Variants in ARHGEF38 observed in about 807,000 individuals in gnomAD.
ARHGEF38 encodes Rho guanine nucleotide exchange factor (GEF) 38.
Under a neutral mutation model 79.9 loss-of-function variants are expected in ARHGEF38, and 79 were observed. That is an observed-to-expected ratio of 0.99 (90% CI 0.82 to 1.19). The LOEUF (loss-of-function observed/expected upper bound fraction) is 1.19, where lower values mean the gene tolerates loss of function less well. ARHGEF38 is among the 50% of genes most tolerant of loss of function. ARHGEF38 has a pLI of 0.00. For missense variants in ARHGEF38, 962 were observed against 907.2 expected (o/e 1.06, Z -0.78); for synonymous variants, 366 against 328.3 (o/e 1.11, Z -1.24).
intron 2 of ARHGEF38, among the ~76,000 whole-genome samples, chr4:105,599,517 T>C (rs762882774): frequency 6.6e-6 from 1 of 152,010 alleles, no homozygotes; most frequent in Non-Finnish European, 1.5e-5. Flanking sequence ...AGAATGGAGA[T>C]GATGCATAAA....
intron 7 of ARHGEF38, among the ~76,000 whole-genome samples, chr4:105,653,673 C>T (rs889259582): frequency 6.6e-5 from 10 of 152,112 alleles, no homozygotes; most frequent in Admixed American, 1.3e-4. Flanking sequence ...ATGAATCATA[C>T]GAACAAAACA....
At chr4:105,602,600 G>A (rs561263886) in intron 2 of ARHGEF38, among the ~76,000 whole-genome samples, 29 of 152,058 alleles carry the variant, frequency 1.9e-4, no homozygotes, top group Non-Finnish European at 2.9e-4. Flanking sequence ...TGACAGAGGG[G>A]AGAGCCTGCA....
intron 5 of ARHGEF38, among the ~76,000 whole-genome samples, chr4:105,641,664 T>C (rs918384417): frequency 3.3e-5 from 5 of 152,096 alleles, no homozygotes; most frequent in African/African-American, 1.2e-4. Context: ...AATTATTCTT[T>C]TTTTTATGTA....
chr4:105,569,266 A>G (rs1415527879), intron 1 of ARHGEF38, among the ~76,000 whole-genome samples: 1 of 152,198 alleles, frequency 6.6e-6, no homozygotes, highest in Non-Finnish European at 1.5e-5. Flanking sequence ...AGATGTTATT[A>G]TATTATGCTA....
intron 1 of ARHGEF38, among the ~76,000 whole-genome samples, chr4:105,553,660 C>A (rs1181724734): frequency 5.9e-5 from 9 of 152,126 alleles, no homozygotes; most frequent in Non-Finnish European, 8.8e-5. Context: ...TGTTTCAGGG[C>A]CTTAATCTAT....
At chr4:105,586,875 C>G (rs942607147) in intron 1 of ARHGEF38, among the ~76,000 whole-genome samples, 1 of 151,972 alleles carries the variant, frequency 6.6e-6, no homozygotes, top group East Asian at 1.9e-4. Flanking sequence ...GAGTAAAGGA[C>G]GTCCCTCACA....
At chr4:105,560,632 T>A (rs1179320330) in intron 1 of ARHGEF38, among the ~76,000 whole-genome samples, 1 of 152,208 alleles carries the variant, frequency 6.6e-6, no homozygotes, top group African/African-American at 2.4e-5. Flanking sequence ...TTCTGAACAA[T>A]GTTTTTCTTG....
chr4:105,678,147 A>G lies in ARHGEF38; in HGVS notation c.*210A>G. ...ACATGTTGAAAGAAATACTAAGCCA[A>G]CAGAAATAGCAAAGCAAATGACCCA... On this transcript the variant is annotated 3_prime_UTR_variant, in exon 14 of 14. Coordinates refer to ENST00000420470, the MANE Select transcript of ARHGEF38 (RefSeq NM_001242729.2). The G allele has an allele frequency of 5.1e-6, 2 of 393,262 alleles. No individual in the cohort carries two copies. Among genetic ancestry groups the G allele is most frequent in the Non-Finnish European group, 8.9e-6 (2 of 225,342 alleles). 24.4% of individuals were successfully genotyped at this position (393,262 alleles called of 1,614,324 possible).
chr4:105,661,807 T>A (rs1041017744), intron 10 of ARHGEF38, among the ~76,000 whole-genome samples: 4 of 152,134 alleles, frequency 2.6e-5, no homozygotes, highest in Admixed American at 1.3e-4. Flanking sequence ...ATACATTGTT[T>A]GACCTGTTTT....
At chr4:105,584,279 A>G (rs1726927807) in intron 1 of ARHGEF38, among the ~76,000 whole-genome samples, 1 of 152,228 alleles carries the variant, frequency 6.6e-6, no homozygotes, top group African/African-American at 2.4e-5. Context: ...ATATTTTGAG[A>G]AGCCTATACA....
intron 2 of ARHGEF38, among the ~76,000 whole-genome samples, chr4:105,595,220 A>G (rs1172313784): frequency 4.6e-5 from 7 of 152,180 alleles, no homozygotes; most frequent in Non-Finnish European, 7.4e-5. Flanking sequence ...TACCCATCCA[A>G]TGATATTTCA....
Position 105,608,891 on chromosome 4 carries a change from A to G in ARHGEF38, c.385-4493A>G, listed in dbSNP as rs532273989. Among the ~76,000 whole-genome samples the G allele has an allele frequency of 3.3e-5, 5 of 152,056 alleles. No individual in the cohort carries two copies. The East Asian group carries it at 9.7e-4, about 29-fold the overall frequency. On this transcript the variant is annotated intron_variant, in intron 2 of 13. Coordinates refer to ENST00000420470, the MANE Select transcript of ARHGEF38 (RefSeq NM_001242729.2). Reference sequence around the variant, plus strand: ...TTTCTTACTGAGTAGAGCTCCTTATATATTTTGCATATTAACACCCCTTAT... The same window carrying G: ...TTTCTTACTGAGTAGAGCTCCTTATGTATTTTGCATATTAACACCCCTTAT...
intron 2 of ARHGEF38, among the ~76,000 whole-genome samples, chr4:105,592,921 C>T (rs545056027): frequency 3.9e-5 from 6 of 152,268 alleles, no homozygotes; most frequent in Non-Finnish European, 8.8e-5. Context: ...TCTGCTAGTG[C>T]AGTGGATTCT....
chr4:105,666,888 T>C (rs1730771139), intron 11 of ARHGEF38, among the ~76,000 whole-genome samples: 1 of 152,202 alleles, frequency 6.6e-6, no homozygotes, highest in Non-Finnish European at 1.5e-5. Context: ...TCTGCCTTCT[T>C]ATTCTTGTTT....
At chr4:105,631,757 T>C (rs1729202895) in intron 4 of ARHGEF38, 2 of 826,758 alleles carry the variant, frequency 2.4e-6, no homozygotes, top group Non-Finnish European at 2.9e-6. Context: ...TGTGTTTGGA[T>C]TGATTCTTTT....
Position 105,609,862 on chromosome 4 carries a change from T to C in ARHGEF38, c.385-3522T>C, listed in dbSNP as rs1313633557. On this transcript the variant is annotated intron_variant, in intron 2 of 13. Transcript: ENST00000420470. ...CCCAGCAATCCAATTACTGGGTGTATACCCAAAGGAATATTAATCATTCTA... is the reference window on the plus strand; with the variant it reads ...CCCAGCAATCCAATTACTGGGTGTACACCCAAAGGAATATTAATCATTCTA... 2.0e-5 allele frequency among the ~76,000 whole-genome samples: 3 copies of C among 152,222 alleles called. No homozygotes were observed. The East Asian group carries it at 5.8e-4, about 29-fold the overall frequency.
At chr4:105,682,115 G>A (rs17036105), downstream of ARHGEF38, among the ~76,000 whole-genome samples, 6,802 of 152,160 alleles carry the variant, frequency 0.045, 210 homozygotes, top group Middle Eastern at 0.13. Flanking sequence ...TAAGCACCAG[G>A]AGAGTTCACA....
chr4:105,577,826 G>A (rs924379136), intron 1 of ARHGEF38, among the ~76,000 whole-genome samples: 1 of 151,870 alleles, frequency 6.6e-6, no homozygotes, highest in Non-Finnish European at 1.5e-5. Flanking sequence ...CTCTTTTCTT[G>A]GTTAATCTTG....
chr4:105,589,915 T>C (rs980873269), intron 2 of ARHGEF38, among the ~76,000 whole-genome samples: 2 of 151,874 alleles, frequency 1.3e-5, no homozygotes, highest in African/African-American at 4.8e-5. Flanking sequence ...GGCACACGCC[T>C]GTAATCCCAG....
Sources: gnomAD v4.1 joint callset for allele counts (sites outside exome capture counted in the v4.1 genomes callset) on GRCh38, gnomAD v4.1.1 for gene constraint, MANE v1.5 for transcripts, NCBI Gene and HGNC (gene_info 2026-07-23, HGNC 2026-07-21) for gene names.